The following PTPRD variants were observed in gnomAD, a reference collection of about 807,000 sequenced individuals.
PTPRD encodes receptor-type tyrosine-protein phosphatase delta.
Under a neutral mutation model 214.5 loss-of-function variants are expected in PTPRD, and 34 were observed. The ratio of observed to expected loss-of-function variants is 0.16; its 90% CI spans 0.12 to 0.21. PTPRD has a LOEUF of 0.21. Ranked by LOEUF, PTPRD falls within the 10% of genes least tolerant of loss-of-function variation. PTPRD has a pLI of 1.00. For missense variants in PTPRD, 2,545 were observed against 2,398.7 expected (o/e 1.06, Z -1.27); for synonymous variants, 1,128 against 845.7 (o/e 1.33, Z -5.79).
At chr9:8,965,174 T>C (rs773502792) in intron 11 of PTPRD, among the ~76,000 whole-genome samples, 23 of 152,000 alleles carry the variant, frequency 1.5e-4, no homozygotes, top group Non-Finnish European at 2.5e-4. Flanking sequence ...GGTCAGGAGT[T>C]CGAGACCAGC....
At chr9:9,769,482 C>G (rs1166769704) in intron 5 of PTPRD, among the ~76,000 whole-genome samples, 2 of 151,884 alleles carry the variant, frequency 1.3e-5, no homozygotes, top group African/African-American at 4.8e-5. Flanking sequence ...CCCGCCACCA[C>G]ACCCGGCTAA....
chr9:10,557,160 G>T (rs1007779713), intron 2 of PTPRD, among the ~76,000 whole-genome samples: 2 of 152,054 alleles, frequency 1.3e-5, no homozygotes, highest in Admixed American at 1.3e-4. Flanking sequence ...AATAACAGAA[G>T]ATTTATATTA....
chr9:9,484,191 T>C (rs2095532413), intron 8 of PTPRD, among the ~76,000 whole-genome samples: 1 of 151,156 alleles, frequency 6.6e-6, no homozygotes, highest in Non-Finnish European at 1.5e-5. Flanking sequence ...CTATTGTATA[T>C]AATAGAATAC....
chr9:9,480,373 G>T (rs963111311), intron 8 of PTPRD, among the ~76,000 whole-genome samples: 6 of 152,120 alleles, frequency 3.9e-5, no homozygotes, highest in Non-Finnish European at 7.4e-5. Flanking sequence ...TTCAGTTAAA[G>T]CTGAAAGCAT....
intron 7 of PTPRD, among the ~76,000 whole-genome samples, chr9:9,706,354 C>T (rs1045545030): frequency 9.2e-5 from 14 of 152,028 alleles, no homozygotes; most frequent in African/African-American, 3.1e-4. Context: ...AAGTTTCCTT[C>T]CAATGTATTA....
intron 30 of PTPRD, among the ~76,000 whole-genome samples, chr9:8,479,144 C>T (rs1291768411): frequency 6.6e-6 from 1 of 152,184 alleles, no homozygotes; most frequent in Non-Finnish European, 1.5e-5. Flanking sequence ...CACAGCATGG[C>T]ACGGAGCTTC....
chr9:9,243,691 T>G (rs2099971538), intron 9 of PTPRD, among the ~76,000 whole-genome samples: 1 of 152,078 alleles, frequency 6.6e-6, no homozygotes, highest in Non-Finnish European at 1.5e-5. Context: ...TCATACTGAA[T>G]GGGCAAAAAC....
At chr9:8,763,342 T>A (rs184632272) in intron 11 of PTPRD, among the ~76,000 whole-genome samples, 3 of 151,726 alleles carry the variant, frequency 2.0e-5, no homozygotes, top group African/African-American at 7.3e-5. Context: ...CGAAACCCCA[T>A]CTCTAATAAA....
At chr9:8,836,642 G>C (rs2097430362) in intron 11 of PTPRD, among the ~76,000 whole-genome samples, 1 of 129,222 alleles carries the variant, frequency 7.7e-6, no homozygotes, top group Non-Finnish European at 1.6e-5. Flanking sequence ...CTGTTGCCAG[G>C]CTGGAATGCA....
intron 9 of PTPRD, among the ~76,000 whole-genome samples, chr9:9,226,408 C>G (rs929129247): frequency 4.6e-5 from 7 of 151,954 alleles, no homozygotes; most frequent in African/African-American, 1.4e-4. Flanking sequence ...AGAAGACTCA[C>G]TTTTTCCTTA....
chr9:9,438,164 C>G (rs1351152820), intron 8 of PTPRD, among the ~76,000 whole-genome samples: 1 of 152,124 alleles, frequency 6.6e-6, no homozygotes, highest in Non-Finnish European at 1.5e-5. Flanking sequence ...ACTTGATAAT[C>G]TCTATGAAGA....
At chr9:8,651,464 GA>G (rs2096806527) in intron 12 of PTPRD, among the ~76,000 whole-genome samples, 1 of 152,140 alleles carries the variant, frequency 6.6e-6, no homozygotes, top group Non-Finnish European at 1.5e-5. Flanking sequence ...GCTAGGGTAC[GA>G]TTCCTTGGTT....
intron 14 of PTPRD, among the ~76,000 whole-genome samples, chr9:8,593,362 G>C (rs1339318001): frequency 6.6e-6 from 1 of 152,166 alleles, no homozygotes; most frequent in Non-Finnish European, 1.5e-5. Flanking sequence ...TACAGAACCA[G>C]TGTGGAACAA....
In PTPRD at chr9:8,460,580, A is replaced by T. The variant is rs1286773409; in HGVS notation, c.3715-9T>A. 1 of 1,609,636 alleles carries T rather than the reference A, an allele frequency of 6.2e-7. No individual in the cohort carries two copies. Among genetic ancestry groups the T allele is most frequent in the South Asian group, 1.1e-5 (1 of 89,996 alleles). The stretch of plus-strand genomic sequence containing the variant: ...CTGGTTGCATACATCTTCTGAGGAA[A>T]AGCAGAGTCTATTTCAGTTATAAAA... On this transcript the variant is annotated splice_polypyrimidine_tract_variant and intron_variant, in intron 32 of 45. Coordinates refer to ENST00000381196, the MANE Select transcript of PTPRD (RefSeq NM_002839.4).
chr9:9,071,770 C>A (rs2099744082), intron 10 of PTPRD, among the ~76,000 whole-genome samples: 1 of 152,116 alleles, frequency 6.6e-6, no homozygotes, highest in Non-Finnish European at 1.5e-5. Context: ...TATAACTGGG[C>A]TCTTGATTCA....
At chr9:9,546,072 C>G (rs941911019) in intron 8 of PTPRD, among the ~76,000 whole-genome samples, 1 of 151,534 alleles carries the variant, frequency 6.6e-6, no homozygotes, top group Admixed American at 6.6e-5. Context: ...TGTTTTTAAT[C>G]TCAATTTCCA....
chr9:9,797,856 T>TA (rs1348634218), intron 5 of PTPRD, among the ~76,000 whole-genome samples: 1 of 151,286 alleles, frequency 6.6e-6, no homozygotes, highest in Non-Finnish European at 1.5e-5. Context: ...CTCAAAAAAA[T>TA]AAAAAATAAA....
At chr9:8,922,185 T>C (rs943390966) in intron 11 of PTPRD, among the ~76,000 whole-genome samples, 1 of 152,228 alleles carries the variant, frequency 6.6e-6, no homozygotes, top group Non-Finnish European at 1.5e-5. Flanking sequence ...GCAAATTTTC[T>C]TGACTTTGTT....
At chr9:9,850,654 T>C (rs2060386204) in intron 5 of PTPRD, among the ~76,000 whole-genome samples, 1 of 152,200 alleles carries the variant, frequency 6.6e-6, no homozygotes, top group African/African-American at 2.4e-5. Flanking sequence ...AAATTATGTA[T>C]TGTATCACAT....
Sources: allele counts gnomAD v4.1 joint callset (sites outside exome capture counted in the v4.1 genomes callset), GRCh38; gene constraint gnomAD v4.1.1; transcripts MANE v1.5; gene names NCBI Gene and HGNC (gene_info 2026-07-23, HGNC 2026-07-21).